The following DCC variants were observed in gnomAD, a reference collection of about 807,000 sequenced individuals.
The protein encoded by DCC is netrin receptor DCC.
Under a neutral mutation model 172.5 loss-of-function variants are expected in DCC, and 58 were observed. The ratio of observed to expected loss-of-function variants is 0.34; its 90% CI spans 0.27 to 0.42. The LOEUF is 0.42. Ranked by LOEUF, DCC falls within the 10% of genes least tolerant of loss-of-function variation. The pLI is 1.00. For missense variants in DCC, 1,740 were observed against 1,791.0 expected, an observed-to-expected ratio of 0.97 and a Z score of 0.51; for synonymous variants, 709 against 644.5, an observed-to-expected ratio of 1.10 and a Z score of -1.52.
At chr18:52,574,695 T>G (rs1184469885) in intron 1 of DCC, among the ~76,000 whole-genome samples, 1 of 152,170 alleles carries the variant, frequency 6.6e-6, no homozygotes, top group Non-Finnish European at 1.5e-5. Flanking sequence ...AAGTAAAGAA[T>G]AAATTCCCCT....
chr18:52,419,927 G>T lies in DCC; in HGVS notation c.91+79049G>T, dbSNP rs143806067. ...AAGTAACAATAATTTCATAAAGTAA[G>T]CACTTTGTTATTCCCATTTTACAGG... On this transcript the variant is annotated intron_variant, in intron 1 of 28. Coordinates refer to ENST00000442544, the MANE Select transcript of DCC (RefSeq NM_005215.4). Among the ~76,000 whole-genome samples, 1,501 of 152,168 alleles carry T rather than the reference G, an allele frequency of 9.9e-3. 10 individuals carry two copies. Among genetic ancestry groups the T allele is most frequent in the Non-Finnish European group, 0.014 (969 of 68,010 alleles).
At chr18:53,250,123 G>GT (rs1568390641) in intron 12 of DCC, among the ~76,000 whole-genome samples, 2 of 151,722 alleles carry the variant, frequency 1.3e-5, no homozygotes, top group South Asian at 2.1e-4. Flanking sequence ...GAACTGTTCC[G>GT]TTTTTTTAAA....
chr18:52,603,891 T>A (rs1272002127), intron 1 of DCC, among the ~76,000 whole-genome samples: 1 of 152,056 alleles, frequency 6.6e-6, no homozygotes. Context: ...TCTCATTTTA[T>A]GTATGTTTAC....
At chr18:53,189,780 T>C (rs1395368427) in intron 9 of DCC, among the ~76,000 whole-genome samples, 3 of 152,208 alleles carry the variant, frequency 2.0e-5, no homozygotes, top group Admixed American at 2.0e-4. Context: ...TGAATGAAGT[T>C]AGCCAAATAA....
chr18:52,921,287 T>C (rs921346266), intron 3 of DCC, among the ~76,000 whole-genome samples: 10 of 152,208 alleles, frequency 6.6e-5, no homozygotes, highest in African/African-American at 2.4e-4. Flanking sequence ...GGACCTGATA[T>C]ATGAGGATAC....
intron 2 of DCC, among the ~76,000 whole-genome samples, chr18:52,837,394 T>C (rs534639341): frequency 6.6e-6 from 1 of 152,324 alleles, no homozygotes; most frequent in Non-Finnish European, 1.5e-5. Flanking sequence ...CTGCTGTTCT[T>C]GAATGCTTTG....
chr18:52,990,049 A>C (rs1264053792), intron 5 of DCC, among the ~76,000 whole-genome samples: 1 of 152,198 alleles, frequency 6.6e-6, no homozygotes, highest in Admixed American at 6.5e-5. Context: ...CTTCTGGGTA[A>C]GAAGGAAAGA....
At chr18:52,800,274 G>T (rs1027167169) in intron 2 of DCC, among the ~76,000 whole-genome samples, 6 of 151,722 alleles carry the variant, frequency 4.0e-5, no homozygotes, top group African/African-American at 1.5e-4. Context: ...AATGCAATAT[G>T]ACATTCAATG....
chr18:52,906,109 A>C lies in DCC; in HGVS notation c.478A>C (p.Lys160Gln), dbSNP rs1012804259. Reference protein sequence around the residue: ...TAFMGDTVLLKCEVIGEPMPT... With the variant: ...TAFMGDTVLLQCEVIGEPMPT... ...CTTCATGGGAGACACAGTGCTACTCAAGTGTGAAGTCATTGGGGAGCCCAT... is the reference window on the plus strand; with the variant it reads ...CTTCATGGGAGACACAGTGCTACTCCAGTGTGAAGTCATTGGGGAGCCCAT... Residue 160 changes from lysine (K) to glutamine (Q), a missense_variant, in exon 3 of 29, where the codon AAG (lysine) becomes CAG (glutamine). Around this residue, in one of 2 missense-constraint regions of DCC, gnomAD observed 1,732 missense variants for 1,767.4 expected, o/e 0.98. Transcript: ENST00000442544. 1.1e-5 allele frequency: 17 copies of C among 1,613,398 alleles called. No individual in the cohort carries two copies. Among genetic ancestry groups the C allele is most frequent in the Admixed American group, 1.7e-5 (1 of 60,014 alleles).
At chr18:52,516,475 T>C (rs921178651) in intron 1 of DCC, among the ~76,000 whole-genome samples, 4 of 152,230 alleles carry the variant, frequency 2.6e-5, no homozygotes, top group African/African-American at 7.2e-5. Context: ...ATTATAGTTT[T>C]GCTAAATGTT....
intron 1 of DCC, among the ~76,000 whole-genome samples, chr18:52,344,389 G>T (rs567753780): frequency 6.6e-5 from 10 of 152,290 alleles, no homozygotes; most frequent in Non-Finnish European, 1.5e-4. Context: ...TTTAGAGAGG[G>T]AAGTTGTGAT....
rs77089415 is a variant in DCC at position 52,803,307 on chromosome 18, G to A, written c.412+50933G>A. On this transcript the variant is annotated intron_variant, in intron 2 of 28. Transcript: ENST00000442544. ...AGATGAACTGCTCTGTGGAGATGAT[G>A]AGCATCACACGGCATTTTAAGTGGA... Among the ~76,000 whole-genome samples the A allele has an allele frequency of 9.3e-3, 1,416 of 152,258 alleles. 32 individuals carry two copies. The highest frequency in any genetic ancestry group is 0.089 in the East Asian group (458 of 5,172).
chr18:52,727,938 A>G (rs1239145010), intron 1 of DCC, among the ~76,000 whole-genome samples: 1 of 152,162 alleles, frequency 6.6e-6, no homozygotes, highest in Non-Finnish European at 1.5e-5. Context: ...ATAGAGAAAG[A>G]GTGGTTTTGC....
At chr18:52,651,420 C>T (rs544531621) in intron 1 of DCC, among the ~76,000 whole-genome samples, 38 of 152,056 alleles carry the variant, frequency 2.5e-4, no homozygotes, top group African/African-American at 6.5e-4. Context: ...TGGGCTCAAG[C>T]GATCCTCCTG....
At chr18:53,056,730 T>C (rs535792684) in intron 5 of DCC, among the ~76,000 whole-genome samples, 51 of 152,230 alleles carry the variant, frequency 3.4e-4, no homozygotes, top group African/African-American at 1.2e-3. Flanking sequence ...ACTAGCTGGC[T>C]TTCCACTGTT....
At chr18:52,533,009 C>T (rs568518270) in intron 1 of DCC, among the ~76,000 whole-genome samples, 10 of 152,122 alleles carry the variant, frequency 6.6e-5, no homozygotes, top group Non-Finnish European at 1.0e-4. Flanking sequence ...ACAGATTTGA[C>T]GATTCTGGAC....
At chr18:52,871,428 G>C (rs1055242456) in intron 2 of DCC, among the ~76,000 whole-genome samples, 1 of 152,200 alleles carries the variant, frequency 6.6e-6, no homozygotes, top group Middle Eastern at 3.4e-3. Context: ...ACTTATGGGG[G>C]TTTTAGGCTC....
chr18:53,281,660 C>T lies in DCC; in HGVS notation c.1912-23918C>T, dbSNP rs574224863. Among the ~76,000 whole-genome samples the T allele has an allele frequency of 3.9e-5, 6 of 151,980 alleles. No individual in the cohort carries two copies. In the South Asian group the frequency reaches 6.2e-4, roughly 16 times the overall value. ...GCTCATATGAGCCCATTGTTAAATACGCAGGAATTTTGCAAGGCAGTTGCT... is the reference window on the plus strand; with the variant it reads ...GCTCATATGAGCCCATTGTTAAATATGCAGGAATTTTGCAAGGCAGTTGCT... On this transcript the variant is annotated intron_variant, in intron 12 of 28. Transcript: ENST00000442544.
At chr18:52,547,100 T>C (rs1671335332) in intron 1 of DCC, among the ~76,000 whole-genome samples, 1 of 152,098 alleles carries the variant, frequency 6.6e-6, no homozygotes, top group Admixed American at 6.6e-5. Context: ...TAGGTAAACT[T>C]AGAATCCCTT....
Sources: allele counts gnomAD v4.1 joint callset (sites outside exome capture counted in the v4.1 genomes callset), GRCh38; gene constraint gnomAD v4.1.1; regional missense constraint gnomAD v4.1.1; transcripts MANE v1.5; gene names NCBI Gene and HGNC (gene_info 2026-07-23, HGNC 2026-07-21).